The following FKBP4 variants were observed in gnomAD, a reference collection of about 807,000 sequenced individuals.
FKBP4 encodes the protein peptidyl-prolyl cis-trans isomerase FKBP4.
In FKBP4, 28 loss-of-function variants were observed where a neutral mutation model predicts 54.1. The ratio of observed to expected loss-of-function variants is 0.52; its 90% CI spans 0.38 to 0.71. The LOEUF is 0.71. Ranked by LOEUF, FKBP4 falls within the 30% of genes least tolerant of loss-of-function variation. FKBP4 has a pLI of 0.00. For missense variants in FKBP4, 493 were observed against 574.4 expected (o/e 0.86, Z 1.45); for synonymous variants, 223 against 216.1 (o/e 1.03, Z -0.28).
At position 2,799,241 on chromosome 12, in the gene FKBP4, C is replaced by A; in HGVS notation, c.668C>A (p.Pro223His). Residue 223 changes from proline (P) to histidine (H), a missense_variant, in exon 5 of 10, where the codon CCC becomes CAC. Physicochemically the swap from Pro to His is moderately conservative, Grantham distance 77. Transcript: ENST00000001008. ...GAACATTCCATCGTGTACCTCAAGC[C>A]CAGGTGAGGGGTGGGCACTTCGTAG... ...KGEHSIVYLKPSYAFGSVGKE... is the reference protein window; with the variant it reads ...KGEHSIVYLKHSYAFGSVGKE... 2 of 1,506,418 alleles carry A rather than the reference C, an allele frequency of 1.3e-6. No individual in the cohort carries two copies. Among genetic ancestry groups the A allele is most frequent in the South Asian group, 1.4e-5 (1 of 72,734 alleles). 93.3% of individuals were successfully genotyped at this position (1,506,418 alleles called of 1,614,324 possible).
intron 5 of FKBP4, 91 bp from the exon 6 acceptor site, chr12:2,799,759 G>A: frequency 9.2e-7 from 1 of 1,087,826 alleles, no homozygotes; most frequent in Non-Finnish European, 1.4e-6. Flanking sequence ...GGGATGGGAA[G>A]GTACTTTCCA....
rs1014669669 is a variant in FKBP4, at chr12:2,796,072, A to G, written c.105+828A>G. On this transcript the variant is annotated intron_variant, in intron 1 of 9. Transcript: ENST00000001008. ...CGGGGAGGGCATCTTGACCTGGGCC[A>G]GGACAACCTGCCTTGGGTCGGAGCA... is the stretch of plus-strand genomic sequence containing the variant. The G allele has an allele frequency of 1.9e-5, 22 of 1,187,522 alleles. No individual in the cohort carries two copies. In the Admixed American group the frequency reaches 8.0e-4, roughly 43 times the overall value. 73.6% of individuals were successfully genotyped at this position (1,187,522 alleles called of 1,614,324 possible).
At position 2,798,665 on chromosome 12, in the gene FKBP4, A is replaced by C; in HGVS notation, c.394-41A>C. On this transcript the variant is annotated intron_variant, in intron 3 of 9. Transcript: ENST00000001008. The surrounding 1 kb of genome is among the most constrained non-coding windows in gnomAD (Gnocchi z 4.3). The stretch of plus-strand genomic sequence containing the variant: ...GAAAGATTGTGTTTCACTGCCCATG[A>C]GTTAGCATGGGAAGGAATTGTGTCA... 1.2e-6 allele frequency: 2 copies of C among 1,611,912 alleles called. No individual in the cohort carries two copies. The highest frequency in any genetic ancestry group is 1.7e-6 in the Non-Finnish European group (2 of 1,179,552).
At chr12:2,796,772 A>G (rs944599772) in intron 1 of FKBP4, 2 of 1,067,210 alleles carry the variant, frequency 1.9e-6, no homozygotes, top group Non-Finnish European at 2.3e-6. Context: ...TATAATAATA[A>G]TCTATTATTC....
At chr12:2,796,121 G>A in intron 1 of FKBP4, 1 of 1,222,710 alleles carries the variant, frequency 8.2e-7, no homozygotes, top group African/African-American at 1.6e-5. Flanking sequence ...ATCAGAGATG[G>A]TGAATTCCCA....
chr12:2,795,247 G>A lies in FKBP4; in HGVS notation c.105+3G>A, dbSNP rs1291242659. Reference sequence around the variant, plus strand: ...AACAGGACGAAGGCGTGCTGAAGGTGAGGGGCGGCGGGGCCTGCGGAGGCG... The same window carrying A: ...AACAGGACGAAGGCGTGCTGAAGGTAAGGGGCGGCGGGGCCTGCGGAGGCG... On this transcript the variant is annotated splice_donor_region_variant and intron_variant, in intron 1 of 9. Coordinates refer to ENST00000001008, the MANE Select transcript of FKBP4 (RefSeq NM_002014.4). This position sits in a 1 kb window ranked among gnomAD's most constrained non-coding sequence, Gnocchi z 4.3. 2.3e-6 allele frequency: 3 copies of A among 1,318,024 alleles called. No individual in the cohort carries two copies. The highest frequency in any genetic ancestry group is 1.5e-5 in the African/African-American group (1 of 65,306). The allele number at this position is 1,318,024 out of a possible 1,614,324, so 81.6% of individuals were successfully genotyped here. A position where few individuals can be genotyped will look rare whatever the true frequency, so the allele number is the denominator to read the frequency against.
Position 2,799,929 on chromosome 12 carries a change from A to T in FKBP4, c.751A>T (p.Ser251Cys). The change falls in exon 6 of 10, where the codon AGT becomes TGT. Residue 251 changes from serine to cysteine, a missense_variant. Ser to Cys is a moderately radical substitution (Grantham distance 112, BLOSUM62 -1). Transcript: ENST00000001008. The stretch of plus-strand genomic sequence containing the variant: ...GCTGAAATATGAATTACACCTCAAG[A>T]GTTTTGAAAAGGTAAGTTTGCTCAG... ...AELKYELHLK[S>C]FEKAKESWEM... 6.2e-7 allele frequency: 1 copy of T among 1,614,160 alleles called. No homozygotes were observed. Among genetic ancestry groups the T allele is most frequent in the Non-Finnish European group, 8.5e-7 (1 of 1,180,012 alleles).
chr12:2,799,967 TA>T, intron 6 of FKBP4, 27 bp downstream of exon 6: 1 of 1,613,286 alleles, frequency 6.2e-7, no homozygotes, highest in Non-Finnish European at 8.5e-7. Flanking sequence ...TCTTCCCATC[TA>T]AAGTCAAGTT....
intron 9 of FKBP4, among the ~76,000 whole-genome samples, 196 bp from the exon 10 acceptor site, chr12:2,802,955 T>G (rs1424878391): frequency 1.3e-5 from 2 of 152,144 alleles, no homozygotes; most frequent in Non-Finnish European, 2.9e-5. Context: ...CTCAAACTTC[T>G]GGGCTCAAGC....
intron 5 of FKBP4, among the ~76,000 whole-genome samples, chr12:2,799,552 A>G (rs1042952271): frequency 6.6e-6 from 1 of 152,180 alleles, no homozygotes; most frequent in African/African-American, 2.4e-5. Flanking sequence ...GAAAATTCCT[A>G]TAGGGCTTCA....
Position 2,801,248 on chromosome 12 carries a change from C to G in FKBP4, c.1164C>G (p.Ala388=), listed in dbSNP as rs200925573. 1.3e-5 allele frequency: 21 copies of G among 1,613,576 alleles called. 1 individual carries two copies. The South Asian group carries it at 2.3e-4, about 18-fold the overall frequency. ...TGCAGCTCTACCCCAACAACAAAGC[C>G]GCCAAGACCCAGCTGGCTGTGTGCC... ...KVLQLYPNNK[A]AKTQLAVCQQ... Residue 388 remains alanine, a synonymous_variant, in exon 9 of 10, where the codon GCC becomes GCG. Transcript: ENST00000001008.
chr12:2,795,217 C>T lies in FKBP4; in HGVS notation c.78C>T (p.Ser26=). 2 of 1,339,288 alleles carry T rather than the reference C, an allele frequency of 1.5e-6. No homozygotes were observed. The highest frequency in any genetic ancestry group is 9.6e-7 in the Non-Finnish European group (1 of 1,038,120). The allele number at this position is 1,339,288 out of a possible 1,614,324, so 83.0% of individuals were successfully genotyped here. A position where few individuals can be genotyped will look rare whatever the true frequency, so the allele number is the denominator to read the frequency against. ...TGCCCATGGAGGGAGTGGACATCAG[C>T]CCCAAACAGGACGAAGGCGTGCTGA... ...APLPMEGVDI[S]PKQDEGVLKV... The change falls in exon 1 of 10, where the codon AGC becomes AGT. Residue 26 remains serine, a synonymous_variant. Transcript: ENST00000001008. The surrounding 1 kb of genome is among the most constrained non-coding windows in gnomAD (Gnocchi z 4.3).
Position 2,797,103 on chromosome 12 carries a change from C to T in FKBP4, c.106-35C>T, listed in dbSNP as rs564933913. 2.9e-5 allele frequency: 46 copies of T among 1,611,014 alleles called. No homozygotes were observed. In the Middle Eastern group the frequency reaches 6.7e-4, roughly 24 times the overall value. ...TGCTGGTGCCCCTTTCTGCCCCAAA[C>T]CCTGGGGTACTCACTTTCTCCCCCT... On this transcript the variant is annotated intron_variant, in intron 1 of 9. Transcript: ENST00000001008.
At chr12:2,796,320 C>T (rs2097901828) in intron 1 of FKBP4, 2 of 1,289,190 alleles carry the variant, frequency 1.6e-6, no homozygotes, top group Non-Finnish European at 2.0e-6. Flanking sequence ...ATGTGACTTC[C>T]CCTTCTCGCT....
chr12:2,797,370 G>T, intron 2 of FKBP4, 88 bp downstream of exon 2: 1 of 1,486,654 alleles, frequency 6.7e-7, no homozygotes, highest in Non-Finnish European at 9.3e-7. Context: ...ACCAAGCTCA[G>T]GGAGGAATGG....
chr12:2,800,201 C>A, intron 7 of FKBP4, 79 bp downstream of exon 7: 2 of 1,511,862 alleles, frequency 1.3e-6, no homozygotes, highest in South Asian at 1.1e-5. Context: ...TGACTGAGAT[C>A]ATTTTCTGCC....
In FKBP4 at chr12:2,801,356, G is replaced by A. The variant is rs1271468191; in HGVS notation, c.1272G>A (p.Lys424=). ...MFERLAEEEN[K]AKAEASSGDH... ...AGAGGCTGGCTGAGGAGGAGAACAA[G>A]GTGAGGATTGGGGTGGGGAACAGTT... The change falls in exon 9 of 10, where the codon AAG becomes AAA. Residue 424 remains lysine (K), a splice_region_variant and synonymous_variant. Coordinates refer to ENST00000001008, the MANE Select transcript of FKBP4 (RefSeq NM_002014.4). 1 of 1,613,984 alleles carries A rather than the reference G, an allele frequency of 6.2e-7. No homozygotes were observed. The highest frequency in any genetic ancestry group is 1.7e-5 in the Admixed American group (1 of 60,010).
rs879137727 is a variant in FKBP4, at chr12:2,801,112, T to C, written c.1033-5T>C. 3.7e-6 allele frequency: 6 copies of C among 1,613,764 alleles called. No individual in the cohort carries two copies. The South Asian group carries it at 6.6e-5, about 18-fold the overall frequency. ...ACAATGTGGCTTCCTCTCTGCATTC[T>C]TTAGGCCCTAGAACTGGACAGCAAC... On this transcript the variant is annotated splice_region_variant and splice_polypyrimidine_tract_variant and intron_variant, in intron 8 of 9. Transcript: ENST00000001008.
Position 2,799,945 on chromosome 12 carries a change from G to C in FKBP4, c.762+5G>C. 1 of 1,614,100 alleles carries C rather than the reference G, an allele frequency of 6.2e-7. No individual in the cohort carries two copies. The highest frequency in any genetic ancestry group is 8.5e-7 in the Non-Finnish European group (1 of 1,179,930). ...CACCTCAAGAGTTTTGAAAAGGTAA[G>C]TTTGCTCAGGGTCTTCCCATCTAAA... On this transcript the variant is annotated splice_donor_5th_base_variant and intron_variant, in intron 6 of 9. Coordinates refer to ENST00000001008, the MANE Select transcript of FKBP4 (RefSeq NM_002014.4).
Sources: gnomAD v4.1 joint callset for allele counts (sites outside exome capture counted in the v4.1 genomes callset) on GRCh38, gnomAD v4.1.1 for gene constraint, Gnocchi (gnomAD v3.1) non-coding constraint, MANE v1.5 for transcripts, NCBI Gene and HGNC (gene_info 2026-07-23, HGNC 2026-07-21) for gene names.